The following KCNB2 variants were observed in gnomAD, a reference collection of about 807,000 sequenced individuals.
KCNB2 encodes the protein potassium voltage-gated channel subfamily B member 2, also known as delayed rectifier potassium channel protein.
Under a neutral mutation model 61.5 loss-of-function variants are expected in KCNB2, and 15 were observed. The observed-to-expected ratio is 0.24, with a 90% CI of 0.16 to 0.38. KCNB2 has a LOEUF of 0.38. Among genes scored for constraint, KCNB2 ranks in the 10% least tolerant of loss-of-function variants. KCNB2 has a pLI of 1.00. For synonymous variants in KCNB2, 457 were observed against 446.0 expected (o/e 1.02, Z -0.31); for missense variants, 828 against 1,125.2 (o/e 0.74, Z 3.78).
intron 2 of KCNB2, among the ~76,000 whole-genome samples, chr8:72,882,695 T>C (rs564706027): frequency 6.7e-6 from 1 of 150,248 alleles, no homozygotes; most frequent in East Asian, 2.0e-4. Context: ...GCAGAAATCC[T>C]CAAGGAGCTC....
intron 2 of KCNB2, chr8:72,661,279 G>T (rs1806376423): frequency 6.6e-6 from 1 of 152,204 alleles, no homozygotes; most frequent in African/African-American, 2.4e-5. Flanking sequence ...GCCTCCCAAA[G>T]TGTTGGGACT....
At chr8:72,644,179 C>T in intron 2 of KCNB2, among the ~76,000 whole-genome samples, 1 of 151,944 alleles carries the variant, frequency 6.6e-6, no homozygotes, top group East Asian at 1.9e-4. Flanking sequence ...TAATTCACAC[C>T]AAAAACTTAA....
chr8:72,671,057 T>C (rs1474063256), intron 2 of KCNB2, among the ~76,000 whole-genome samples: 1 of 152,212 alleles, frequency 6.6e-6, no homozygotes, highest in Non-Finnish European at 1.5e-5. Context: ...ATTTCAGAGC[T>C]GCAAGAAACC....
intron 2 of KCNB2, among the ~76,000 whole-genome samples, chr8:72,680,571 A>G (rs1177488486): frequency 1.3e-5 from 2 of 152,132 alleles, no homozygotes; most frequent in South Asian, 2.1e-4. Context: ...AGGCTGTCCC[A>G]TAGTCCAGGT....
chr8:72,856,483 G>T (rs955975308), intron 2 of KCNB2, among the ~76,000 whole-genome samples: 2 of 152,092 alleles, frequency 1.3e-5, no homozygotes, highest in African/African-American at 4.8e-5. Context: ...GAATCAATAG[G>T]GGCCTCATCG....
chr8:72,716,076 T>C (rs1434704257), intron 2 of KCNB2, among the ~76,000 whole-genome samples: 2 of 152,146 alleles, frequency 1.3e-5, no homozygotes, highest in Non-Finnish European at 2.9e-5. Context: ...AATGGATAAA[T>C]TCCTTGACAC....
At chr8:72,862,415 A>G (rs1026909632) in intron 2 of KCNB2, among the ~76,000 whole-genome samples, 2 of 152,212 alleles carry the variant, frequency 1.3e-5, no homozygotes, top group African/African-American at 4.8e-5. Flanking sequence ...CACTAACTGT[A>G]TAGTCCATTC....
chr8:72,682,186 C>G (rs1388288672), intron 2 of KCNB2, among the ~76,000 whole-genome samples: 1 of 152,040 alleles, frequency 6.6e-6, no homozygotes, highest in Non-Finnish European at 1.5e-5. Flanking sequence ...TTTTGAAATA[C>G]ATTATACTGT....
chr8:72,861,847 G>A (rs9298209), intron 2 of KCNB2, among the ~76,000 whole-genome samples: 22,963 of 152,050 alleles, frequency 0.15, 2,369 homozygotes, highest in African/African-American at 0.29. Context: ...GATAGTTTAC[G>A]TCTCCTGTGG....
chr8:72,665,241 A>T (rs1806448381), intron 2 of KCNB2, among the ~76,000 whole-genome samples: 2 of 152,188 alleles, frequency 1.3e-5, no homozygotes, highest in African/African-American at 4.8e-5. Context: ...CAAGAGGACC[A>T]CGGTCTTTGC....
chr8:72,841,189 G>T (rs1169952940), intron 2 of KCNB2, among the ~76,000 whole-genome samples: 2 of 151,888 alleles, frequency 1.3e-5, no homozygotes, highest in Non-Finnish European at 2.9e-5. Flanking sequence ...GTTTTTGTCA[G>T]GTTTGTCAAA....
intron 2 of KCNB2, among the ~76,000 whole-genome samples, chr8:72,637,690 A>G (rs1295680469): frequency 2.0e-5 from 3 of 152,118 alleles, no homozygotes; most frequent in Non-Finnish European, 4.4e-5. Context: ...CTCTTCTCTC[A>G]TATCCCTTCC....
intron 2 of KCNB2, among the ~76,000 whole-genome samples, chr8:72,896,311 T>G (rs764991975): frequency 6.6e-6 from 1 of 152,160 alleles, no homozygotes; most frequent in Non-Finnish European, 1.5e-5. Context: ...GGATTTGGCA[T>G]TTGTCCCTCT....
chr8:72,684,727 C>G (rs1189573118), intron 2 of KCNB2, among the ~76,000 whole-genome samples: 1 of 152,202 alleles, frequency 6.6e-6, no homozygotes, highest in South Asian at 2.1e-4. Flanking sequence ...ACAGTTAAAA[C>G]AGACTATCAC....
intron 2 of KCNB2, among the ~76,000 whole-genome samples, chr8:72,903,813 G>A (rs1041647303): frequency 3.3e-5 from 5 of 151,980 alleles, no homozygotes; most frequent in African/African-American, 1.2e-4. Context: ...CTTCTTCTAG[G>A]TGGATTACCT....
At chr8:72,761,915 C>T (rs1367385495) in intron 2 of KCNB2, among the ~76,000 whole-genome samples, 1 of 152,102 alleles carries the variant, frequency 6.6e-6, no homozygotes, top group East Asian at 1.9e-4. Context: ...ATATCTTAAT[C>T]AATAGCCTAT....
At chr8:72,594,931 A>T (rs901515324) in intron 2 of KCNB2, among the ~76,000 whole-genome samples, 15 of 152,354 alleles carry the variant, frequency 9.8e-5, no homozygotes, top group East Asian at 3.9e-4. Context: ...TGGTTAAAAA[A>T]CACCAAGCCA....
intron 2 of KCNB2, chr8:72,619,175 T>G: frequency 2.6e-6 from 1 of 379,362 alleles, no homozygotes; most frequent in South Asian, 2.3e-5. Flanking sequence ...GGGATTTTGT[T>G]TGAAAGATCA....
Position 72,563,919 on chromosome 8 carries a change from A to G in KCNB2, c.-93-3723A>G, listed in dbSNP as rs1482046545. Among the ~76,000 whole-genome samples, 6 of 152,224 alleles carry G rather than the reference A, an allele frequency of 3.9e-5. No homozygotes were observed. The East Asian group carries it at 1.2e-3, about 29-fold the overall frequency. ...AAAAAATCTTTTAACCATGGTAACA[A>G]TAATAAGAGCAGATCATTTTTAAGT... On this transcript the variant is annotated intron_variant, in intron 1 of 2. Coordinates refer to ENST00000523207, the MANE Select transcript of KCNB2 (RefSeq NM_004770.3).
Sources: allele counts gnomAD v4.1 joint callset (sites outside exome capture counted in the v4.1 genomes callset), GRCh38; gene constraint gnomAD v4.1.1; transcripts MANE v1.5; gene names NCBI Gene and HGNC (gene_info 2026-07-23, HGNC 2026-07-21).